WDR33: variants seen among roughly 807,000 people sequenced by gnomAD.
WDR33 encodes pre-mRNA 3' end processing protein WDR33.
A neutral mutation model predicts 164.9 loss-of-function variants in WDR33; 47 were observed. That is an observed-to-expected ratio of 0.29 (90% confidence interval 0.23 to 0.36). The LOEUF is 0.36. Among genes scored for constraint, WDR33 ranks in the 10% least tolerant of loss-of-function variants. WDR33 has a pLI of 1.00. For synonymous variants in WDR33, 505 were observed against 589.0 expected, an observed-to-expected ratio of 0.86 and a Z score of 2.06; for missense variants, 1,137 against 1,754.1, an observed-to-expected ratio of 0.65 and a Z score of 6.28.
At chr2:127,768,147 G>C in intron 4 of WDR33, 42 bp downstream of exon 4, 2 of 1,267,602 alleles carry the variant, frequency 1.6e-6, no homozygotes. Context: ...GCTATATAAC[G>C]CAGGATTAAT....
At chr2:127,737,287 A>G (rs1686873016) in intron 7 of WDR33, 1 of 985,322 alleles carries the variant, frequency 1.0e-6, no homozygotes, top group African/African-American at 1.7e-5. Flanking sequence ...GACGGGAGAT[A>G]CCAGTGTCCC....
At chr2:127,747,694 A>G (rs776937289) in intron 7 of WDR33, among the ~76,000 whole-genome samples, 1 of 152,026 alleles carries the variant, frequency 6.6e-6, no homozygotes, top group African/African-American at 2.4e-5. Flanking sequence ...ATTCTCCCCA[A>G]TTGCTCCGTT....
In WDR33 at chr2:127,709,030, G is replaced by T; in HGVS notation, c.3566-138C>A. On this transcript the variant is annotated intron_variant, in intron 20 of 21. Coordinates refer to ENST00000322313, the MANE Select transcript of WDR33 (RefSeq NM_018383.5). This position sits in a 1 kb window ranked among gnomAD's most constrained non-coding sequence, Gnocchi z 5.0. Reference sequence around the variant, plus strand: ...ATGCCCGCCAGAGGCCAAAGGGTAAGCCACCCAGACATCAGGGTGCCTCCT... The same window carrying T: ...ATGCCCGCCAGAGGCCAAAGGGTAATCCACCCAGACATCAGGGTGCCTCCT... The T allele has an allele frequency of 1.1e-6, 1 of 888,734 alleles. No individual in the cohort carries two copies. Among genetic ancestry groups the T allele is most frequent in the Non-Finnish European group, 1.6e-6 (1 of 623,282 alleles). The allele number at this position is 888,734 out of a possible 1,614,324, so 55.1% of individuals were successfully genotyped here. A position where few individuals can be genotyped will look rare whatever the true frequency, so the allele number is the denominator to read the frequency against.
intron 1 of WDR33, among the ~76,000 whole-genome samples, chr2:127,806,728 T>C (rs1368285387): frequency 1.4e-5 from 2 of 147,322 alleles, no homozygotes; most frequent in African/African-American, 2.5e-5. Context: ...AAAGATTTCA[T>C]GCTAATTGCC....
chr2:127,765,362 C>A, intron 4 of WDR33, 93 bp from the exon 5 acceptor site: 1 of 860,568 alleles, frequency 1.2e-6, no homozygotes, highest in Non-Finnish European at 1.8e-6. Flanking sequence ...CAATAACTGA[C>A]ATTAAATAAT....
chr2:127,750,528 T>C (rs1364404119), intron 7 of WDR33, among the ~76,000 whole-genome samples: 2 of 149,474 alleles, frequency 1.3e-5, no homozygotes, highest in South Asian at 2.1e-4. Context: ...GTGCCTATAA[T>C]CCCAGCTACC....
At position 127,701,977 on chromosome 2, in the gene WDR33, T is replaced by G. The variant is rs1401028049; in HGVS notation, c.*4346A>C. 1 of 1,366,296 alleles carries G rather than the reference T, an allele frequency of 7.3e-7. No individual in the cohort carries two copies. The highest frequency in any genetic ancestry group is 1.6e-5 in the South Asian group (1 of 62,550). 84.6% of individuals were successfully genotyped at this position (1,366,296 alleles called of 1,614,324 possible). ...CCGTCCCGGCCCGCGCTGCTCTACA[T>G]GGCAGCGCTGGGCGCCACGCTGTTC... is the stretch of plus-strand genomic sequence containing the variant. On this transcript the variant is annotated 3_prime_UTR_variant, in exon 22 of 22. Coordinates refer to ENST00000322313, the MANE Select transcript of WDR33 (RefSeq NM_018383.5).
chr2:127,756,345 A>G (rs1009192122), intron 7 of WDR33, among the ~76,000 whole-genome samples: 86 of 151,970 alleles, frequency 5.7e-4, no homozygotes, highest in African/African-American at 2.0e-3. Flanking sequence ...AAAAAAAAAA[A>G]AAAAGGTAAT....
In WDR33 at chr2:127,714,685, C is replaced by T. The variant is rs986436002; in HGVS notation, c.2870-664G>A. Among the ~76,000 whole-genome samples the T allele has an allele frequency of 8.5e-5, 13 of 152,188 alleles. No homozygotes were observed. Among genetic ancestry groups the T allele is most frequent in the African/African-American group, 3.1e-4 (13 of 41,444 alleles). On this transcript the variant is annotated intron_variant, in intron 17 of 21. Coordinates refer to ENST00000322313, the MANE Select transcript of WDR33 (RefSeq NM_018383.5). The surrounding 1 kb of genome is among the most constrained non-coding windows in gnomAD (Gnocchi z 4.3). The stretch of plus-strand genomic sequence containing the variant: ...TTTGAAGACAGTGTTTGGAATCCCA[C>T]TAAAGTTTTCTAAAATATGTGAAAA...
intron 7 of WDR33, among the ~76,000 whole-genome samples, chr2:127,751,340 GAC>G (rs1322339590): frequency 6.7e-6 from 1 of 148,864 alleles, no homozygotes; most frequent in African/African-American, 2.5e-5. Flanking sequence ...CAGCCTGAGT[GAC>G]AGAGCAAGAC....
At position 127,705,442 on chromosome 2, in the gene WDR33, T is replaced by C. The variant is rs1685988816; in HGVS notation, c.*881A>G. ...GAAAACTTAATTAAGTGTTGCAAAATTGTTTGAGGACCTATTTTGGTCCAT... is the reference window on the plus strand; with the variant it reads ...GAAAACTTAATTAAGTGTTGCAAAACTGTTTGAGGACCTATTTTGGTCCAT... On this transcript the variant is annotated 3_prime_UTR_variant, in exon 22 of 22. Transcript: ENST00000322313. This position sits in a 1 kb window ranked among gnomAD's most constrained non-coding sequence, Gnocchi z 4.5. 1 of 152,018 alleles carries C rather than the reference T, an allele frequency of 6.6e-6. No individual in the cohort carries two copies. The highest frequency in any genetic ancestry group is 6.5e-5 in the Admixed American group (1 of 15,278). The allele number at this position is 152,018 out of a possible 1,614,324, so 9.4% of individuals were successfully genotyped here.
rs1686074076 is a variant in WDR33, at chr2:127,708,647, C to T, written c.3781+30G>A. 5 of 1,550,550 alleles carry T rather than the reference C, an allele frequency of 3.2e-6. No individual in the cohort carries two copies. The East Asian group carries it at 1.1e-4, about 35-fold the overall frequency. ...AGGCCTCCATCGGCCCCTGCATCTC[C>T]TGGAACCATAACCACTGGCCTGCTC... On this transcript the variant is annotated intron_variant, in intron 21 of 21. Transcript: ENST00000322313. The surrounding 1 kb of genome is among the most constrained non-coding windows in gnomAD (Gnocchi z 6.7).
chr2:127,711,770 A>ATT (rs1220888579), intron 18 of WDR33, among the ~76,000 whole-genome samples: 5,726 of 77,448 alleles, frequency 0.074, 526 homozygotes, highest in Middle Eastern at 0.16. Context: ...ATATATATAT[A>ATT]TATATATATA....
In WDR33 at chr2:127,724,508, A is replaced by G; in HGVS notation, c.1086-65T>C. ...TTACCCAGCTTCTCCCTCCCCCTCA[A>G]AAAAGACATTTTCTGTTACTCTTAA... is the stretch of plus-strand genomic sequence containing the variant. On this transcript the variant is annotated intron_variant, in intron 10 of 21. Transcript: ENST00000322313. The surrounding 1 kb of genome is among the most constrained non-coding windows in gnomAD (Gnocchi z 4.8). 7.2e-7 allele frequency: 1 copy of G among 1,384,346 alleles called. No homozygotes were observed. Among genetic ancestry groups the G allele is most frequent in the South Asian group, 1.2e-5 (1 of 84,420 alleles). 85.8% of individuals were successfully genotyped at this position (1,384,346 alleles called of 1,614,324 possible).
intron 1 of WDR33, among the ~76,000 whole-genome samples, chr2:127,775,651 AAGT>A (rs1688163129): frequency 6.6e-6 from 1 of 152,252 alleles, no homozygotes; most frequent in Admixed American, 6.5e-5. Flanking sequence ...AATGCAAAAA[AAGT>A]ATTGTTACTT....
At chr2:127,802,334 G>A (rs568454632) in intron 1 of WDR33, among the ~76,000 whole-genome samples, 1 of 152,284 alleles carries the variant, frequency 6.6e-6, no homozygotes, top group Non-Finnish European at 1.5e-5. Flanking sequence ...CTCAGAGACA[G>A]AAGCAAGACT....
chr2:127,702,035 G>C lies in WDR33; in HGVS notation c.*4288C>G, dbSNP rs993613225. 7.3e-6 allele frequency: 9 copies of C among 1,239,868 alleles called. No individual in the cohort carries two copies. The highest frequency in any genetic ancestry group is 1.6e-5 in the African/African-American group (1 of 63,330). 76.8% of individuals were successfully genotyped at this position (1,239,868 alleles called of 1,614,324 possible). On this transcript the variant is annotated 3_prime_UTR_variant, in exon 22 of 22. Coordinates refer to ENST00000322313, the MANE Select transcript of WDR33 (RefSeq NM_018383.5). ...TGGGCCTTCGCAGCACGCTGCTCACGGTGCTGGGCGCGGGCGCGCAGGTGG... is the reference window on the plus strand; with the variant it reads ...TGGGCCTTCGCAGCACGCTGCTCACCGTGCTGGGCGCGGGCGCGCAGGTGG...
intron 7 of WDR33, among the ~76,000 whole-genome samples, chr2:127,758,928 A>C (rs531936706): frequency 6.6e-6 from 1 of 152,298 alleles, no homozygotes; most frequent in Admixed American, 6.5e-5. Flanking sequence ...TTGTTTATTA[A>C]ATAGATTTTA....
intron 1 of WDR33, among the ~76,000 whole-genome samples, chr2:127,776,262 A>G (rs1558950056): frequency 1.3e-5 from 2 of 152,202 alleles, no homozygotes; most frequent in East Asian, 3.8e-4. Flanking sequence ...CTCTCCAGGA[A>G]CCAGCCCTGC....
Sources: gnomAD v4.1 joint callset for allele counts (sites outside exome capture counted in the v4.1 genomes callset) on GRCh38, gnomAD v4.1.1 for gene constraint, Gnocchi (gnomAD v3.1) non-coding constraint, MANE v1.5 for transcripts, NCBI Gene and HGNC (gene_info 2026-07-23, HGNC 2026-07-21) for gene names.